SLCO1B3: variants seen among roughly 807,000 people sequenced by gnomAD.
SLCO1B3 encodes the protein liver-specific organic anion transporter 2.
SLCO1B3 carries 72 observed loss-of-function variants against 71.8 expected under a neutral mutation model. The observed-to-expected ratio is 1.00, with a 90% confidence interval of 0.83 to 1.22. SLCO1B3 has a LOEUF of 1.22. Among genes scored for constraint, SLCO1B3 ranks in the 50% most tolerant of loss-of-function variants. SLCO1B3 has a pLI of 0.00. For missense variants in SLCO1B3, 911 were observed against 819.7 expected (o/e 1.11, Z -1.36); for synonymous variants, 298 against 278.4 (o/e 1.07, Z -0.70).
intron 3 of SLCO1B3, among the ~76,000 whole-genome samples, chr12:20,821,691 G>C (rs1255564848): frequency 2.0e-5 from 3 of 152,046 alleles, no homozygotes; most frequent in Non-Finnish European, 4.4e-5. Flanking sequence ...TGGAGAGAAG[G>C]GGTTGGGGTA....
chr12:20,847,973 A>G (rs1864950391), intron 3 of SLCO1B3, among the ~76,000 whole-genome samples: 1 of 152,092 alleles, frequency 6.6e-6, no homozygotes, highest in Admixed American at 6.5e-5. Flanking sequence ...AGTCAAAATA[A>G]TAATAATAAT....
intron 15 of SLCO1B3, among the ~76,000 whole-genome samples, chr12:20,915,801 G>T (rs1206961209): frequency 6.6e-6 from 1 of 152,042 alleles, no homozygotes; most frequent in Non-Finnish European, 1.5e-5. Context: ...CTGGGGTTTA[G>T]TTTCTGTAGC....
At chr12:20,858,282 G>T (rs1190255440) in intron 4 of SLCO1B3, among the ~76,000 whole-genome samples, 157 bp from the exon 5 acceptor site, 1 of 152,010 alleles carries the variant, frequency 6.6e-6, no homozygotes. Context: ...TTCAATGAGT[G>T]GTTTAATGTA....
intron 3 of SLCO1B3, among the ~76,000 whole-genome samples, chr12:20,839,371 G>C (rs78737824): frequency 0.056 from 8,579 of 151,982 alleles, 314 homozygotes; most frequent in East Asian, 0.17. Context: ...TTTAATTTTT[G>C]TTTATCTGAG....
At chr12:20,899,273 G>T (rs1006337002) in intron 14 of SLCO1B3, among the ~76,000 whole-genome samples, 4 of 152,102 alleles carry the variant, frequency 2.6e-5, no homozygotes, top group Non-Finnish European at 5.9e-5. Context: ...CTCTGTGAGT[G>T]GTCCTTTGTA....
rs780108531 is a variant in SLCO1B3, at chr12:20,883,456, C to T, written c.1536C>T (p.Leu512=). The stretch of plus-strand genomic sequence containing the variant: ...GTAGTTGTGTGGAAGTAACTGGTCT[C>T]CAGAACAGAAATTACTCAGCACACT... ...YNCSCVEVTG[L]QNRNYSAHLG... is the part of the protein sequence containing the mutation. Residue 512 remains leucine (L), a synonymous_variant, in exon 13 of 16, where the codon CTC becomes CTT. Coordinates refer to ENST00000381545, the MANE Select transcript of SLCO1B3 (RefSeq NM_019844.4). 1 of 1,580,134 alleles carries T rather than the reference C, an allele frequency of 6.3e-7. No homozygotes were observed. Among genetic ancestry groups the T allele is most frequent in the Non-Finnish European group, 8.6e-7 (1 of 1,166,728 alleles).
intron 12 of SLCO1B3, among the ~76,000 whole-genome samples, chr12:20,882,332 C>T (rs1865709344): frequency 6.6e-6 from 1 of 152,090 alleles, no homozygotes; most frequent in African/African-American, 2.4e-5. Flanking sequence ...AAAGATTCCT[C>T]CATGTTATTC....
intron 3 of SLCO1B3, among the ~76,000 whole-genome samples, chr12:20,844,827 C>T (rs973415607): frequency 2.0e-5 from 3 of 151,926 alleles, no homozygotes; most frequent in Admixed American, 6.6e-5. Flanking sequence ...GCCAGGAATT[C>T]AAGACCAGCC....
At chr12:20,857,337 A>G (rs770206319) in intron 4 of SLCO1B3, among the ~76,000 whole-genome samples, 18 of 151,896 alleles carry the variant, frequency 1.2e-4, no homozygotes, top group Non-Finnish European at 1.9e-4. Flanking sequence ...TCTGTTTCCT[A>G]TTTGTTTCTT....
chr12:20,835,384 G>T (rs1864658327), intron 3 of SLCO1B3, among the ~76,000 whole-genome samples: 1 of 152,106 alleles, frequency 6.6e-6, no homozygotes, highest in Non-Finnish European at 1.5e-5. Flanking sequence ...CAGAAAATGG[G>T]TTTTTCTTTC....
chr12:20,820,223 G>C (rs1338101496), intron 3 of SLCO1B3, among the ~76,000 whole-genome samples: 6 of 151,932 alleles, frequency 3.9e-5, no homozygotes, highest in African/African-American at 1.5e-4. Flanking sequence ...CCTAAAGCTC[G>C]GCGTCCGTGA....
intron 3 of SLCO1B3, among the ~76,000 whole-genome samples, chr12:20,850,389 C>T (rs900580830): frequency 6.6e-6 from 1 of 151,820 alleles, no homozygotes; most frequent in Non-Finnish European, 1.5e-5. Context: ...ACGCCATTCT[C>T]CTGCCTCAGC....
chr12:20,900,804 G>T (rs1033878580), intron 14 of SLCO1B3, among the ~76,000 whole-genome samples: 2 of 152,164 alleles, frequency 1.3e-5, no homozygotes, highest in Admixed American at 6.6e-5. Flanking sequence ...CCAATAGCTC[G>T]GAGCACCCCG....
chr12:20,873,705 C>T (rs1865522459), intron 8 of SLCO1B3, among the ~76,000 whole-genome samples: 1 of 152,160 alleles, frequency 6.6e-6, no homozygotes, highest in South Asian at 2.1e-4. Context: ...CCTATCAACC[C>T]ATCACCTAGG....
chr12:20,858,153 A>G (rs971723360), intron 4 of SLCO1B3, among the ~76,000 whole-genome samples: 6 of 152,056 alleles, frequency 3.9e-5, no homozygotes, highest in East Asian at 1.9e-4. Context: ...TTCCATTCCA[A>G]TGCAATCCAG....
intron 13 of SLCO1B3, among the ~76,000 whole-genome samples, chr12:20,888,451 T>C (rs1327709920): frequency 6.6e-6 from 1 of 151,990 alleles, no homozygotes; most frequent in African/African-American, 2.4e-5. Flanking sequence ...TTTATATTCA[T>C]TGTAAATGGG....
chr12:20,907,804 C>T (rs890363456), intron 15 of SLCO1B3, among the ~76,000 whole-genome samples: 12 of 151,692 alleles, frequency 7.9e-5, no homozygotes, highest in Admixed American at 2.6e-4. Flanking sequence ...CCACTGCTCC[C>T]GGCTGGGAGA....
At chr12:20,914,185 C>T (rs75081911) in intron 15 of SLCO1B3, among the ~76,000 whole-genome samples, 1 of 152,070 alleles carries the variant, frequency 6.6e-6, no homozygotes, top group African/African-American at 2.4e-5. Context: ...TTCTTTGATC[C>T]TATTTTTGTA....
intron 3 of SLCO1B3, among the ~76,000 whole-genome samples, chr12:20,844,765 C>T (rs1864878062): frequency 6.6e-6 from 1 of 151,866 alleles, no homozygotes; most frequent in Non-Finnish European, 1.5e-5. Context: ...TGTGGTAGCT[C>T]ATGCCTGTAA....
Sources: allele counts gnomAD v4.1 joint callset (sites outside exome capture counted in the v4.1 genomes callset), GRCh38; gene constraint gnomAD v4.1.1; transcripts MANE v1.5; gene names NCBI Gene and HGNC (gene_info 2026-07-23, HGNC 2026-07-21).